The following HPSE2 variants were observed in gnomAD, a reference collection of about 807,000 sequenced individuals.
HPSE2 encodes the protein heparanase 2 (inactive).
HPSE2 carries 38 observed loss-of-function variants against 60.5 expected under a neutral mutation model. The ratio of observed to expected loss-of-function variants is 0.63; its 90% confidence interval spans 0.48 to 0.82. HPSE2 has a LOEUF of 0.82. HPSE2 is among the 40% of genes least tolerant of loss of function. The pLI is 0.00. For missense variants in HPSE2, 713 were observed against 740.4 expected (o/e 0.96, Z 0.43); for synonymous variants, 295 against 293.2 (o/e 1.01, Z -0.06).
At chr10:98,883,242 C>T (rs1245886831) in intron 3 of HPSE2, among the ~76,000 whole-genome samples, 2 of 152,036 alleles carry the variant, frequency 1.3e-5, no homozygotes, top group Non-Finnish European at 2.9e-5. Flanking sequence ...AAAAACTTCT[C>T]AATGATGGCT....
At chr10:98,479,455 A>G (rs1941149437) in intron 11 of HPSE2, among the ~76,000 whole-genome samples, 1 of 152,230 alleles carries the variant, frequency 6.6e-6, no homozygotes, top group African/African-American at 2.4e-5. Context: ...CTTTCTGCAC[A>G]GTCTGCTTCA....
At chr10:99,184,538 A>AGCT (rs1408777681) in intron 2 of HPSE2, among the ~76,000 whole-genome samples, 19 of 42,812 alleles carry the variant, frequency 4.4e-4, no homozygotes, top group Non-Finnish European at 1.3e-3. Context: ...AAAAAAAAAA[A>AGCT]AAAAAAAAAA....
chr10:99,014,203 C>T (rs981982502), intron 3 of HPSE2, among the ~76,000 whole-genome samples: 3 of 152,226 alleles, frequency 2.0e-5, no homozygotes, highest in Admixed American at 1.3e-4. Context: ...CAACGAGCCT[C>T]GCAAGCCACC....
intron 3 of HPSE2, among the ~76,000 whole-genome samples, chr10:98,828,889 C>A (rs1951616023): frequency 1.3e-5 from 2 of 151,994 alleles, no homozygotes; most frequent in South Asian, 4.1e-4. Flanking sequence ...GGAACATGAA[C>A]AGGTATTTGT....
chr10:99,307,529 G>A, the HPSE2 span, among the ~76,000 whole-genome samples: 1 of 152,122 alleles, frequency 6.6e-6, no homozygotes, highest in Non-Finnish European at 1.5e-5. Flanking sequence ...AGGAACATAT[G>A]GCTCAACAAC....
At chr10:99,151,170 A>C (rs746033202) in intron 2 of HPSE2, among the ~76,000 whole-genome samples, 1 of 152,112 alleles carries the variant, frequency 6.6e-6, no homozygotes, top group South Asian at 2.1e-4. Context: ...AAAGATCAGC[A>C]AGAGGGGAAT....
chr10:99,052,295 A>G (rs1269004593), intron 3 of HPSE2, among the ~76,000 whole-genome samples: 1 of 152,068 alleles, frequency 6.6e-6, no homozygotes, highest in Non-Finnish European at 1.5e-5. Context: ...AAAAGTAAAT[A>G]GATGAGATTA....
At chr10:98,509,736 G>C (rs1015643188) in intron 9 of HPSE2, among the ~76,000 whole-genome samples, 5 of 152,058 alleles carry the variant, frequency 3.3e-5, no homozygotes. Context: ...TGCTGACCTC[G>C]TGATCCACCC....
At chr10:99,184,584 T>C (rs1333551657) in intron 2 of HPSE2, among the ~76,000 whole-genome samples, 1 of 106,526 alleles carries the variant, frequency 9.4e-6, no homozygotes, top group Non-Finnish European at 1.8e-5. Context: ...CATTAAGAAA[T>C]ATATTACATA....
At chr10:98,634,900 T>C (rs1398120005) in intron 7 of HPSE2, among the ~76,000 whole-genome samples, 1 of 152,200 alleles carries the variant, frequency 6.6e-6, no homozygotes, top group African/African-American at 2.4e-5. Context: ...AGTCTAACTT[T>C]TAGGTGTTAG....
At chr10:98,865,353 G>A (rs756456442) in intron 3 of HPSE2, among the ~76,000 whole-genome samples, 19 of 152,072 alleles carry the variant, frequency 1.2e-4, no homozygotes, top group African/African-American at 2.2e-4. Flanking sequence ...AAGTAACAAG[G>A]ACCAGATTCA....
intron 9 of HPSE2, among the ~76,000 whole-genome samples, chr10:98,512,065 T>C (rs930576950): frequency 3.3e-5 from 5 of 152,228 alleles, no homozygotes; most frequent in African/African-American, 9.6e-5. Context: ...AACATTACCA[T>C]TGGTTTTTGC....
intron 3 of HPSE2, among the ~76,000 whole-genome samples, chr10:98,957,291 C>T (rs1955533998): frequency 1.3e-5 from 2 of 152,130 alleles, no homozygotes; most frequent in Non-Finnish European, 1.5e-5. Flanking sequence ...CAAGAAATGG[C>T]ACCTCTTTGT....
chr10:98,993,401 A>G (rs890187837), intron 3 of HPSE2, among the ~76,000 whole-genome samples: 1 of 152,258 alleles, frequency 6.6e-6, no homozygotes, highest in African/African-American at 2.4e-5. Context: ...CCTCTTGGAC[A>G]TCAACTTCAA....
intron 3 of HPSE2, among the ~76,000 whole-genome samples, chr10:99,110,402 T>A (rs1285049356): frequency 6.6e-6 from 1 of 152,174 alleles, no homozygotes; most frequent in Non-Finnish European, 1.5e-5. Context: ...ACTTGCCCTA[T>A]GAGAAGAGAA....
chr10:98,841,761 T>C (rs950445326), intron 3 of HPSE2, among the ~76,000 whole-genome samples: 3 of 152,072 alleles, frequency 2.0e-5, no homozygotes, highest in Admixed American at 6.6e-5. Flanking sequence ...CTTCCCCCAG[T>C]GGAATGTAAA....
chr10:98,837,925 T>A (rs566275221), intron 3 of HPSE2, among the ~76,000 whole-genome samples: 2 of 151,010 alleles, frequency 1.3e-5, no homozygotes, highest in Admixed American at 1.3e-4. Context: ...TGCTTAAAAA[T>A]TTTTGAAACA....
chr10:99,100,456 G>C (rs184742894), intron 3 of HPSE2, among the ~76,000 whole-genome samples: 1 of 152,256 alleles, frequency 6.6e-6, no homozygotes, highest in Admixed American at 6.5e-5. Context: ...AGAGTAAAAA[G>C]AAACAAATAA....
At chr10:98,767,074 A>G (rs1950136148) in intron 3 of HPSE2, among the ~76,000 whole-genome samples, 1 of 152,242 alleles carries the variant, frequency 6.6e-6, no homozygotes, top group Non-Finnish European at 1.5e-5. Flanking sequence ...ATTATTTTAA[A>G]AAATTCATAG....
Sources: gnomAD v4.1 joint callset for allele counts (sites outside exome capture counted in the v4.1 genomes callset) on GRCh38, gnomAD v4.1.1 for gene constraint, MANE v1.5 for transcripts, NCBI Gene and HGNC (gene_info 2026-07-23, HGNC 2026-07-21) for gene names.